PWWP4: variants seen among roughly 807,000 people sequenced by gnomAD.
PWWP4 encodes PWWP domain containing 4, also known as putative PWWP domain-containing DNA repair factor 4.
At chrX:153,270,254 T>G (rs1391981448), upstream of PWWP4, among the ~76,000 whole-genome samples, 2 of 103,538 alleles carry the variant, frequency 1.9e-5, no homozygotes, top group Non-Finnish European at 3.9e-5. Flanking sequence ...AGAGAGAGAC[T>G]GCTAACATGG....
the PWWP4 span, among the ~76,000 whole-genome samples, chrX:153,266,236 G>A: frequency 2.2e-5 from 2 of 93,018 alleles, no homozygotes; most frequent in Non-Finnish European, 4.2e-5. Flanking sequence ...ACTAGTAGGT[G>A]TCTGCTATCG....
chrX:153,266,511 GTGTT>G, the PWWP4 span, among the ~76,000 whole-genome samples: 1 of 106,719 alleles, frequency 9.4e-6, no homozygotes, highest in South Asian at 3.8e-4. Context: ...GGATGTGTGT[GTGTT>G]TGGGGGTGTG....
upstream of PWWP4, among the ~76,000 whole-genome samples, chrX:153,271,152 G>T (rs1314126675): frequency 2.6e-5 from 3 of 114,445 alleles, no homozygotes; most frequent in African/African-American, 9.4e-5. Flanking sequence ...GTCCCTGCTG[G>T]TACACCCACC....
chrX:153,276,556 C>T (rs1328379011), exon 1 of PWWP4, among the ~76,000 whole-genome samples: 5 of 55,812 alleles, frequency 9.0e-5, no homozygotes, highest in African/African-American at 2.8e-4. Context: ...ACAGGACAGC[C>T]GCCCGAAGAA....
At chrX:153,272,685 G>A (rs1171961860) in exon 1 of PWWP4, among the ~76,000 whole-genome samples, 1 of 112,371 alleles carries the variant, frequency 8.9e-6, no homozygotes, top group East Asian at 3.1e-4. Flanking sequence ...GGGTGTGCAG[G>A]GCCATTGCCC....
exon 1 of PWWP4, among the ~76,000 whole-genome samples, chrX:153,272,177 G>A: frequency 9.2e-6 from 1 of 109,275 alleles, no homozygotes; most frequent in Non-Finnish European, 1.9e-5. Flanking sequence ...GCCCTGCCCG[G>A]GGACAGGTCA....
At chrX:153,266,416 T>G in the PWWP4 span, among the ~76,000 whole-genome samples, 92 of 96,380 alleles carry the variant, frequency 9.5e-4, no homozygotes, top group African/African-American at 3.4e-3. Context: ...TGTTTGGGGG[T>G]GTGTGTGTGG....
exon 1 of PWWP4, among the ~76,000 whole-genome samples, chrX:153,272,857 C>G (rs2051812874): frequency 8.7e-6 from 1 of 114,353 alleles, no homozygotes; most frequent in Non-Finnish European, 1.9e-5. Context: ...GGCCATTGCC[C>G]CTACTCCAGG....
At chrX:153,270,113 T>G (rs1314038631), upstream of PWWP4, among the ~76,000 whole-genome samples, 13 of 108,305 alleles carry the variant, frequency 1.2e-4, 1 homozygote, top group East Asian at 4.9e-3. Flanking sequence ...AAAAACACAA[T>G]AACATGACAA....
upstream of PWWP4, among the ~76,000 whole-genome samples, chrX:153,270,408 C>T (rs2051802820): frequency 1.1e-5 from 1 of 89,721 alleles, no homozygotes; most frequent in South Asian, 5.6e-4. Context: ...ATGACAACTA[C>T]GTGATGCCTG....
chrX:153,276,441 A>T (rs1412486156), exon 1 of PWWP4, among the ~76,000 whole-genome samples: 5 of 72,204 alleles, frequency 6.9e-5, no homozygotes, highest in Non-Finnish European at 1.4e-4. Flanking sequence ...AGAAAAGGGC[A>T]AACGCCTCGA....
chrX:153,266,337 G>C, the PWWP4 span, among the ~76,000 whole-genome samples: 1 of 102,155 alleles, frequency 9.8e-6, no homozygotes, highest in African/African-American at 3.8e-5. Context: ...GTGCGTGTGT[G>C]GGTGTGTGTG....
upstream of PWWP4, among the ~76,000 whole-genome samples, chrX:153,270,232 GGAGA>G (rs1556952289): frequency 9.5e-6 from 1 of 104,990 alleles, no homozygotes; most frequent in Admixed American, 1.1e-4. Context: ...GAGAGAGAGA[GGAGA>G]GAGAGAGAGA....
chrX:153,269,835 G>T (rs1473115901), upstream of PWWP4, among the ~76,000 whole-genome samples: 2 of 111,984 alleles, frequency 1.8e-5, no homozygotes, highest in Admixed American at 9.7e-5. Context: ...TTTGGAACTA[G>T]CAGGGAAACC....
exon 1 of PWWP4, among the ~76,000 whole-genome samples, chrX:153,272,822 A>G (rs1398844602): frequency 6.1e-5 from 6 of 97,882 alleles, no homozygotes; most frequent in East Asian, 3.7e-4. Context: ...GGGACCCTGC[A>G]GGGAAACAGG....
upstream of PWWP4, among the ~76,000 whole-genome samples, chrX:153,269,191 GTGTGGAGA>G (rs2051798951): frequency 1.9e-5 from 1 of 52,147 alleles, no homozygotes; most frequent in Non-Finnish European, 3.5e-5. Flanking sequence ...GTGTGTGTGT[GTGTGGAGA>G]GAGAGAGAGA....
upstream of PWWP4, among the ~76,000 whole-genome samples, chrX:153,269,869 A>G (rs1268308752): frequency 8.9e-6 from 1 of 112,599 alleles, no homozygotes; most frequent in Non-Finnish European, 1.9e-5. Context: ...GTTCACACAA[A>G]TGAGGTAGGA....
chrX:153,266,535 G>C, the PWWP4 span, among the ~76,000 whole-genome samples: 3 of 108,702 alleles, frequency 2.8e-5, no homozygotes, highest in African/African-American at 1.0e-4. Context: ...GTGTATGGAT[G>C]TGTGTGTGTG....
chrX:153,270,286 T>C (rs2051802621), upstream of PWWP4, among the ~76,000 whole-genome samples: 1 of 106,153 alleles, frequency 9.4e-6, no homozygotes, highest in Admixed American at 1.0e-4. Context: ...CTTAGGGGGA[T>C]GCTCTCGGGA....
Sources: gnomAD v4.1 joint callset for allele counts (sites outside exome capture counted in the v4.1 genomes callset) on GRCh38, gnomAD v4.1.1 for gene constraint, MANE v1.5 for transcripts, NCBI Gene and HGNC (gene_info 2026-07-23, HGNC 2026-07-21) for gene names.